The following PHRF1 variants were observed in gnomAD, a reference collection of about 807,000 sequenced individuals.
PHRF1 encodes PHD and RING finger domain-containing protein 1.
PHRF1 carries 53 observed loss-of-function variants against 128.9 expected under a neutral mutation model. The observed-to-expected ratio is 0.41, with a 90% CI of 0.33 to 0.52. PHRF1 has a LOEUF of 0.52. Among genes scored for constraint, PHRF1 ranks in the 20% least tolerant of loss-of-function variants. The pLI, the probability that PHRF1 is intolerant of heterozygous loss-of-function variation, is 0.21. For missense variants in PHRF1, 2,503 were observed against 2,284.5 expected (o/e 1.10, Z -1.95); for synonymous variants, 1,178 against 980.6 (o/e 1.20, Z -3.76).
At chr11:581,687 T>C in intron 2 of PHRF1, 81 bp downstream of exon 2, 1 of 1,301,654 alleles carries the variant, frequency 7.7e-7, no homozygotes, top group South Asian at 1.4e-5. Flanking sequence ...CGTCTGTGTG[T>C]GTCACTTGTC....
intron 10 of PHRF1, among the ~76,000 whole-genome samples, chr11:604,213 C>T (rs1342261145): frequency 1.3e-5 from 2 of 152,224 alleles, no homozygotes; most frequent in Non-Finnish European, 2.9e-5. Flanking sequence ...GCCCAGAACA[C>T]TCCTGGGCGT....
In PHRF1 at chr11:608,353, T is replaced by C. The variant is rs760077785; in HGVS notation, c.2897T>C (p.Val966Ala). ...EERTVTCVTV[V>A]EPEAPPSPDV... ...CGGACGGTGACCTGTGTGACTGTCG[T>C]GGAGCCGGAAGCCCCACCCAGCCCG... Residue 966 changes from valine (V) to alanine (A), a missense_variant, in exon 14 of 18, where the codon GTG (valine) becomes GCG (alanine). Coordinates refer to ENST00000264555, the MANE Select transcript of PHRF1 (RefSeq NM_001286581.2). The C allele has an allele frequency of 1.9e-6, 3 of 1,610,384 alleles. No homozygotes were observed. Among genetic ancestry groups the C allele is most frequent in the Non-Finnish European group, 2.5e-6 (3 of 1,179,098 alleles).
At chr11:583,341 AAAAC>A (rs1290720145) in intron 3 of PHRF1, among the ~76,000 whole-genome samples, 5 of 151,736 alleles carry the variant, frequency 3.3e-5, no homozygotes, top group Admixed American at 6.6e-5. Flanking sequence ...TGTCTCAAAA[AAAAC>A]AAACAAAAAA....
chr11:611,337 G>A (rs956186357), intron 17 of PHRF1, among the ~76,000 whole-genome samples: 6 of 152,192 alleles, frequency 3.9e-5, no homozygotes, highest in African/African-American at 7.2e-5. Context: ...CCCAGCCCAC[G>A]CCCAGCTTAC....
At chr11:603,654 C>G (rs1855767601) in intron 10 of PHRF1, among the ~76,000 whole-genome samples, 1 of 150,368 alleles carries the variant, frequency 6.7e-6, no homozygotes, top group African/African-American at 2.5e-5. Flanking sequence ...TGAATTTATA[C>G]TCAAGATTAT....
At chr11:603,659 GATT>G (rs1224775744) in intron 10 of PHRF1, among the ~76,000 whole-genome samples, 1 of 148,850 alleles carries the variant, frequency 6.7e-6, no homozygotes, top group Non-Finnish European at 1.5e-5. Flanking sequence ...TTATACTCAA[GATT>G]ATTGTTTATT....
intron 1 of PHRF1, among the ~76,000 whole-genome samples, chr11:581,070 C>T (rs1278295849): frequency 4.7e-5 from 7 of 148,028 alleles, no homozygotes; most frequent in South Asian, 4.3e-4. Flanking sequence ...GTGATCCGCC[C>T]GCCTCAGCCT....
chr11:606,637 G>C, intron 13 of PHRF1, 41 bp downstream of exon 13: 1 of 1,562,500 alleles, frequency 6.4e-7, no homozygotes, highest in Non-Finnish European at 8.7e-7. Flanking sequence ...TCTGTGGGCT[G>C]CTGGTCCTCA....
chr11:609,784 C>A (rs546230719), intron 14 of PHRF1, 64 bp downstream of exon 14: 9 of 1,119,144 alleles, frequency 8.0e-6, no homozygotes, highest in Non-Finnish European at 8.3e-6. Context: ...TGGCCCCCGC[C>A]GAGGACAGAG....
At position 609,063 on chromosome 11, in the gene PHRF1, C is replaced by T; in HGVS notation, c.3607C>T (p.Pro1203Ser). The change falls in exon 14 of 18, where the codon CCA becomes TCA. Residue 1203 changes from proline (P) to serine (S), a missense_variant. Pro to Ser is a moderately conservative substitution (Grantham distance 74, BLOSUM62 -1). Coordinates refer to ENST00000264555, the MANE Select transcript of PHRF1 (RefSeq NM_001286581.2). ...GAAGGGGGCTGTGAGGGAGGCTTCCCCAGCGCCCCTTGCACAGGGGGAGCC... is the reference window on the plus strand; with the variant it reads ...GAAGGGGGCTGTGAGGGAGGCTTCCTCAGCGCCCCTTGCACAGGGGGAGCC... ...ERKGAVREAS[P>S]APLAQGEPGR... 1 of 1,597,458 alleles carries T rather than the reference C, an allele frequency of 6.3e-7. No individual in the cohort carries two copies. The highest frequency in any genetic ancestry group is 1.3e-5 in the African/African-American group (1 of 74,770).
At chr11:582,714 T>TG (rs1854279240) in intron 3 of PHRF1, among the ~76,000 whole-genome samples, 1 of 151,188 alleles carries the variant, frequency 6.6e-6, no homozygotes, top group South Asian at 2.1e-4. Flanking sequence ...TTAGTAGAGA[T>TG]GGGGTTTCAC....
intron 3 of PHRF1, among the ~76,000 whole-genome samples, chr11:586,076 G>T (rs1854539284): frequency 6.6e-6 from 1 of 151,916 alleles, no homozygotes; most frequent in Non-Finnish European, 1.5e-5. Flanking sequence ...GGCCAGGCTG[G>T]TCTCAAACCC....
chr11:591,329 G>A (rs1401059353), intron 4 of PHRF1, 55 bp from the exon 5 acceptor site: 1 of 1,464,926 alleles, frequency 6.8e-7, no homozygotes, highest in African/African-American at 1.4e-5. Flanking sequence ...AAGAATTTTT[G>A]ATCTCTAAGT....
chr11:607,887 G>A lies in PHRF1; in HGVS notation c.2431G>A (p.Glu811Lys). The A allele has an allele frequency of 1.9e-6, 3 of 1,612,730 alleles. No homozygotes were observed. Among genetic ancestry groups the A allele is most frequent in the East Asian group, 2.2e-5 (1 of 44,882 alleles). Residue 811 changes from glutamate to lysine, a missense_variant, in exon 14 of 18, where the codon GAG (glutamate) becomes AAG (lysine). Transcript: ENST00000264555. Reference protein sequence around the residue: ...RPVDDKEQRKENPSPLFSIKK... With the variant: ...RPVDDKEQRKKNPSPLFSIKK... ...TGTGGACGATAAGGAGCAGAGGAAG[G>A]AGAACCCCTCACCCCTCTTCTCCAT...
intron 14 of PHRF1, among the ~76,000 whole-genome samples, chr11:609,986 C>T (rs1856264013): frequency 1.3e-5 from 2 of 152,336 alleles, no homozygotes; most frequent in African/African-American, 2.4e-5. Flanking sequence ...GTGTGGGGGT[C>T]TCCTGCAGGT....
rs148804283 is a variant in PHRF1 at position 604,825 on chromosome 11, A to G, written c.1153-294A>G. Among the ~76,000 whole-genome samples, 407 of 152,306 alleles carry G rather than the reference A, an allele frequency of 2.7e-3. 7 individuals are homozygous for G. The highest frequency in any genetic ancestry group is 1.6e-3 in the Admixed American group (25 of 15,296). On this transcript the variant is annotated intron_variant, in intron 10 of 17. Coordinates refer to ENST00000264555, the MANE Select transcript of PHRF1 (RefSeq NM_001286581.2). Reference sequence around the variant, plus strand: ...TCAAGGGGTTTTACTGTCAGTCATCAGTTGAATTTTTTGTTTCCCTCTTTG... The same window carrying G: ...TCAAGGGGTTTTACTGTCAGTCATCGGTTGAATTTTTTGTTTCCCTCTTTG...
In PHRF1 at chr11:581,612, C is replaced by CTGCCTA. The variant is rs996593356; in HGVS notation, c.94+7_94+12dup. ...GGACCCGGCAGGTGACTTTGGTGAG[C>CTGCCTA]TGCCTAGCGCCGGGTAGGGGCGTCC... On this transcript the variant is annotated splice_region_variant and intron_variant, in intron 2 of 17. Transcript: ENST00000264555. The CTGCCTA allele has an allele frequency of 6.2e-7, 1 of 1,608,386 alleles. No homozygotes were observed. The highest frequency in any genetic ancestry group is 1.3e-5 in the African/African-American group (1 of 74,816).
chr11:596,047 T>TA (rs952515049), intron 6 of PHRF1, among the ~76,000 whole-genome samples: 5 of 152,226 alleles, frequency 3.3e-5, no homozygotes, highest in African/African-American at 9.6e-5. Flanking sequence ...AGAATGGGTT[T>TA]ACTCTTGTTT....
Position 611,751 on chromosome 11 carries a change from C to G in PHRF1, c.4924C>G (p.Pro1642Ala), listed in dbSNP as rs759422939. ...CAAGAAACCAGAGGCCGGGGAGGAG[C>G]CGCCCACGCAGGGGGCCGAGGGCTG... is the stretch of plus-strand genomic sequence containing the variant. ...RHKKPEAGEEPPTQGAEG is the reference protein window; with the variant it reads ...RHKKPEAGEEAPTQGAEG The change falls in exon 18 of 18, where the codon CCG becomes GCG. Residue 1642 changes from proline to alanine, a missense_variant. Transcript: ENST00000264555. The G allele has an allele frequency of 6.2e-7, 1 of 1,610,776 alleles. No homozygotes were observed. The highest frequency in any genetic ancestry group is 8.5e-7 in the Non-Finnish European group (1 of 1,178,936).
Sources: gnomAD v4.1 joint callset for allele counts (sites outside exome capture counted in the v4.1 genomes callset) on GRCh38, gnomAD v4.1.1 for gene constraint, MANE v1.5 for transcripts, NCBI Gene and HGNC (gene_info 2026-07-23, HGNC 2026-07-21) for gene names.